Variants in LRTM3 observed in about 807,000 individuals in gnomAD.
The protein encoded by LRTM3 is leucine rich repeat transmembrane protein 3.
chr13:102,750,709 T>A, the LRTM3 span, among the ~76,000 whole-genome samples: 1 of 152,168 alleles, frequency 6.6e-6, no homozygotes, highest in African/African-American at 2.4e-5. Context: ...TCTTTTCTGT[T>A]CTCTATATGA....
At chr13:102,738,725 T>C in the LRTM3 span, 1 of 1,550,784 alleles carries the variant, frequency 6.4e-7, no homozygotes. Context: ...TCTCATGGCT[T>C]CCTCTCCTTC....
chr13:102,737,647 G>C, the LRTM3 span: 12 of 1,550,442 alleles, frequency 7.7e-6, no homozygotes, highest in Non-Finnish European at 1.0e-5. Context: ...GATGCATTAA[G>C]TCTTTCTCAG....
chr13:102,743,183 G>C, the LRTM3 span: 2 of 1,550,480 alleles, frequency 1.3e-6, no homozygotes, highest in South Asian at 1.2e-5. Context: ...ATGTAGTTTT[G>C]CTCCCTTTAC....
the LRTM3 span, chr13:102,738,956 T>G: frequency 6.1e-5 from 94 of 1,550,626 alleles, no homozygotes; most frequent in African/African-American, 1.2e-3. Flanking sequence ...CTGCGGCATA[T>G]GTTTTGCTTT....
chr13:102,742,175 C>T, the LRTM3 span: 1 of 1,550,528 alleles, frequency 6.4e-7, no homozygotes, highest in Non-Finnish European at 8.7e-7. Flanking sequence ...TGCATTTTTA[C>T]TCAGCTGGAA....
At chr13:102,745,332 C>T in the LRTM3 span, 2 of 1,550,526 alleles carry the variant, frequency 1.3e-6, no homozygotes, top group Non-Finnish European at 1.7e-6. Flanking sequence ...TCTTGCTTTA[C>T]TTGAGTAGAA....
the LRTM3 span, chr13:102,735,561 T>C: frequency 6.4e-7 from 1 of 1,551,116 alleles, no homozygotes; most frequent in Middle Eastern, 1.7e-4. Context: ...TGCAATTTTT[T>C]GGTATTGAGT....
At chr13:102,736,917 A>C in the LRTM3 span, 1 of 1,551,164 alleles carries the variant, frequency 6.4e-7, no homozygotes, top group Non-Finnish European at 8.7e-7. Context: ...GGAAGAAAAG[A>C]TCTTGTTACT....
the LRTM3 span, chr13:102,733,671 C>G: frequency 4.5e-6 from 7 of 1,551,292 alleles, no homozygotes; most frequent in Non-Finnish European, 5.2e-6. Context: ...AAGAGCCATT[C>G]CGGCCTTTTC....
chr13:102,743,273 T>C, the LRTM3 span: 1 of 1,550,664 alleles, frequency 6.4e-7, no homozygotes, highest in Non-Finnish European at 8.7e-7. Context: ...TTGTGTTGGT[T>C]GTGTATGACT....
the LRTM3 span, chr13:102,738,968 T>C: frequency 4.5e-6 from 7 of 1,550,406 alleles, no homozygotes; most frequent in Non-Finnish European, 6.1e-6. Flanking sequence ...TTTTGCTTTT[T>C]CAATACTGCT....
chr13:102,744,267 A>G, the LRTM3 span: 2 of 1,550,552 alleles, frequency 1.3e-6, no homozygotes, highest in Non-Finnish European at 1.7e-6. Flanking sequence ...ATAAACTCTA[A>G]TGTATAGCTC....
the LRTM3 span, among the ~76,000 whole-genome samples, chr13:102,753,231 A>C: frequency 3.7e-4 from 56 of 152,302 alleles, no homozygotes; most frequent in African/African-American, 1.3e-3. Flanking sequence ...ACAGAAAATC[A>C]AACACTGCAT....
At chr13:102,742,571 T>C in the LRTM3 span, 11 of 1,550,620 alleles carry the variant, frequency 7.1e-6, no homozygotes, top group Non-Finnish European at 7.9e-6. Flanking sequence ...CTTTGCTTCT[T>C]GATCTATTAA....
chr13:102,729,907 G>T, the LRTM3 span: 2 of 1,551,890 alleles, frequency 1.3e-6, no homozygotes, highest in East Asian at 2.4e-5. Context: ...ACTTGCCTTG[G>T]TTTTTTGCAA....
the LRTM3 span, chr13:102,746,616 T>C: frequency 1.9e-6 from 3 of 1,551,220 alleles, no homozygotes; most frequent in Non-Finnish European, 1.7e-6. Context: ...GGCTTCGCTG[T>C]ACTTGTTGTG....
At chr13:102,743,079 CCTTT>C in the LRTM3 span, 3 of 1,550,230 alleles carry the variant, frequency 1.9e-6, no homozygotes, top group East Asian at 2.4e-5. Flanking sequence ...AGATGACGAT[CCTTT>C]CTAAGATATG....
At chr13:102,748,229 T>C in the LRTM3 span, 4 of 1,551,236 alleles carry the variant, frequency 2.6e-6, no homozygotes, top group Non-Finnish European at 2.6e-6. Flanking sequence ...ACTTCCAGTG[T>C]TGCATTCCAG....
the LRTM3 span, chr13:102,742,071 T>C: frequency 3.1e-3 from 4,845 of 1,550,544 alleles, 9 homozygotes; most frequent in Non-Finnish European, 3.6e-3. Context: ...GTCCTGTCTT[T>C]TGGCTTGTCT....
Sources: gnomAD v4.1 joint callset for allele counts (sites outside exome capture counted in the v4.1 genomes callset) on GRCh38, gnomAD v4.1.1 for gene constraint, MANE v1.5 for transcripts, NCBI Gene and HGNC (gene_info 2026-07-23, HGNC 2026-07-21) for gene names.